The following GAS7 variants were observed in gnomAD, a reference collection of about 807,000 sequenced individuals.
GAS7 encodes the protein growth arrest-specific protein 7.
Under a neutral mutation model 71.1 loss-of-function variants are expected in GAS7, and 28 were observed. The ratio of observed to expected loss-of-function variants is 0.39; its 90% CI spans 0.29 to 0.54. GAS7 has a LOEUF of 0.54. Among genes scored for constraint, GAS7 ranks in the 20% least tolerant of loss-of-function variants. The probability of loss-of-function intolerance (pLI) is 0.62; values close to 1 mark genes in which losing one functional copy is unlikely to be tolerated. For synonymous variants in GAS7, 258 were observed against 245.8 expected, an observed-to-expected ratio of 1.05 and a Z score of -0.46; for missense variants, 436 against 627.8, an observed-to-expected ratio of 0.69 and a Z score of 3.27.
Position 9,959,123 on chromosome 17 carries a change from C to A in GAS7, c.525+79G>T. Reference sequence around the variant, plus strand: ...TTGGGCATCACTTCTGCTTGGCGGTCCACATCGCCATGGCAACAGCCCAGC... The same window carrying A: ...TTGGGCATCACTTCTGCTTGGCGGTACACATCGCCATGGCAACAGCCCAGC... On this transcript the variant is annotated intron_variant, in intron 5 of 13. Transcript: ENST00000432992. The surrounding 1 kb of genome is among the most constrained non-coding windows in gnomAD (Gnocchi z 5.0). 6.7e-7 allele frequency: 1 copy of A among 1,498,874 alleles called. No homozygotes were observed. The highest frequency in any genetic ancestry group is 1.2e-5 in the South Asian group (1 of 81,026). The allele number at this position is 1,498,874 out of a possible 1,614,324, so 92.8% of individuals were successfully genotyped here. A position where few individuals can be genotyped will look rare whatever the true frequency, so the allele number is the denominator to read the frequency against.
chr17:9,923,913 A>G (rs1191474796), intron 11 of GAS7, among the ~76,000 whole-genome samples: 1 of 152,232 alleles, frequency 6.6e-6, no homozygotes, highest in Admixed American at 6.5e-5. Context: ...TTTGGGTACA[A>G]TCATACAACT....
chr17:10,025,876 T>C lies in GAS7; in HGVS notation c.184-5979A>G, dbSNP rs191934091. Among the ~76,000 whole-genome samples the C allele has an allele frequency of 5.9e-5, 9 of 152,290 alleles. No individual in the cohort carries two copies. In the South Asian group the frequency reaches 8.3e-4, roughly 14 times the overall value. Reference sequence around the variant, plus strand: ...ACTTCTGAAATGAAAACTGAGATCATAGAATTTTTATAAGCATGATTTGTA... The same window carrying C: ...ACTTCTGAAATGAAAACTGAGATCACAGAATTTTTATAAGCATGATTTGTA... On this transcript the variant is annotated intron_variant, in intron 1 of 13. Transcript: ENST00000432992.
chr17:10,161,434 TGTC>T (rs1212738232), intron 1 of GAS7, among the ~76,000 whole-genome samples: 2 of 152,148 alleles, frequency 1.3e-5, no homozygotes, highest in African/African-American at 4.8e-5. Context: ...AAAATGGAAG[TGTC>T]GTTACCAGAA....
chr17:10,178,547 G>A (rs1168752394), intron 1 of GAS7, among the ~76,000 whole-genome samples: 1 of 151,882 alleles, frequency 6.6e-6, no homozygotes, highest in African/African-American at 2.4e-5. Context: ...CACGGAGCCT[G>A]TCTCATACCT....
intron 2 of GAS7, among the ~76,000 whole-genome samples, chr17:9,995,879 T>C (rs2071022157): frequency 6.6e-6 from 1 of 152,174 alleles, no homozygotes; most frequent in Admixed American, 6.5e-5. Context: ...CAATGATGTA[T>C]CGACAGGGTG....
intron 11 of GAS7, among the ~76,000 whole-genome samples, chr17:9,921,716 T>C (rs1273441704): frequency 3.3e-5 from 5 of 151,956 alleles, no homozygotes; most frequent in African/African-American, 7.2e-5. Context: ...TCCCAGCACT[T>C]TGGGAGGCCG....
chr17:9,950,653 G>A (rs1026177743), intron 5 of GAS7, among the ~76,000 whole-genome samples: 1 of 151,722 alleles, frequency 6.6e-6, no homozygotes, highest in African/African-American at 2.4e-5. Context: ...GTCAGAAGTT[G>A]GAGACCAGCC....
At chr17:10,084,898 G>C (rs1455300432) in intron 1 of GAS7, among the ~76,000 whole-genome samples, 2 of 152,184 alleles carry the variant, frequency 1.3e-5, no homozygotes, top group Non-Finnish European at 2.9e-5. Flanking sequence ...GTCCCCGGTG[G>C]CTCCTTCACA....
At position 9,959,692 on chromosome 17, in the gene GAS7, C is replaced by T. The variant is rs1007798053; in HGVS notation, c.472-437G>A. 6.6e-5 allele frequency among the ~76,000 whole-genome samples: 10 copies of T among 152,148 alleles called. No homozygotes were observed. Among genetic ancestry groups the T allele is most frequent in the African/African-American group, 1.9e-4 (8 of 41,422 alleles). ...CACGACATTTTATTCTGAAACCCCC[C>T]GGGTCCAAAACGTCAAACCTAAATA... On this transcript the variant is annotated intron_variant, in intron 4 of 13. Coordinates refer to ENST00000432992, the MANE Select transcript of GAS7 (RefSeq NM_201433.2). This position sits in a 1 kb window ranked among gnomAD's most constrained non-coding sequence, Gnocchi z 5.0.
At chr17:10,005,205 G>A (rs1376325534) in intron 2 of GAS7, among the ~76,000 whole-genome samples, 1 of 141,632 alleles carries the variant, frequency 7.1e-6, no homozygotes, top group South Asian at 2.2e-4. Context: ...ATGCATGTGT[G>A]TGCATGTGCG....
intron 1 of GAS7, among the ~76,000 whole-genome samples, chr17:10,088,660 A>C (rs1038863889): frequency 6.6e-6 from 1 of 152,156 alleles, no homozygotes; most frequent in African/African-American, 2.4e-5. Flanking sequence ...AAATCATCCC[A>C]ATTATACAGG....
intron 1 of GAS7, among the ~76,000 whole-genome samples, chr17:10,175,591 TTTTATTTAG>T: frequency 9.0e-6 from 1 of 111,118 alleles, no homozygotes; most frequent in Non-Finnish European, 1.9e-5. Context: ...AATGACCGCA[TTTTATTTAG>T]TTAGTTAGTT....
In GAS7 at chr17:9,981,494, G is replaced by C. The variant is rs1785927238; in HGVS notation, c.385+310C>G. Among the ~76,000 whole-genome samples the C allele has an allele frequency of 6.6e-6, 1 of 152,136 alleles. No homozygotes were observed. The highest frequency in any genetic ancestry group is 1.5e-5 in the Non-Finnish European group (1 of 68,026). On this transcript the variant is annotated intron_variant, in intron 3 of 13. Coordinates refer to ENST00000432992, the MANE Select transcript of GAS7 (RefSeq NM_201433.2). This position sits in a 1 kb window ranked among gnomAD's most constrained non-coding sequence, Gnocchi z 4.4. ...CACAAGAGCCACATAGGGTGGTTCT[G>C]TCCACACTTCAGGTCTTCCTGCCCC...
At chr17:9,917,411 A>G (rs1256654902) in intron 13 of GAS7, 70 bp from the exon 14 acceptor site, 2 of 1,119,014 alleles carry the variant, frequency 1.8e-6, no homozygotes, top group Non-Finnish European at 1.4e-6. Flanking sequence ...CCTCTGAGAC[A>G]TGCTGTCCTC....
intron 1 of GAS7, among the ~76,000 whole-genome samples, chr17:10,080,172 A>G (rs1463612352): frequency 6.6e-6 from 1 of 152,216 alleles, no homozygotes; most frequent in Non-Finnish European, 1.5e-5. Flanking sequence ...CAAGATGGCA[A>G]CAAAACTGAC....
intron 1 of GAS7, among the ~76,000 whole-genome samples, chr17:10,165,468 C>T (rs2074287485): frequency 6.6e-6 from 1 of 152,120 alleles, no homozygotes; most frequent in African/African-American, 2.4e-5. Flanking sequence ...GCTTGGTGCC[C>T]TCATCGATCT....
At chr17:10,139,991 C>T (rs1163042824) in intron 1 of GAS7, among the ~76,000 whole-genome samples, 1 of 152,158 alleles carries the variant, frequency 6.6e-6, no homozygotes, top group Admixed American at 6.6e-5. Flanking sequence ...TTATTCCATC[C>T]TTGTGGGGTT....
intron 1 of GAS7, among the ~76,000 whole-genome samples, chr17:10,050,893 C>A (rs1008764431): frequency 6.6e-6 from 1 of 152,206 alleles, no homozygotes; most frequent in Non-Finnish European, 1.5e-5. Flanking sequence ...TTCCATTCTG[C>A]TACAGAGATT....
chr17:10,197,496 A>C (rs2074549261), intron 1 of GAS7, among the ~76,000 whole-genome samples: 1 of 152,200 alleles, frequency 6.6e-6, no homozygotes, highest in Admixed American at 6.5e-5. Flanking sequence ...TCACATAGAC[A>C]ATAAACAGCC....
Sources: allele counts gnomAD v4.1 joint callset (sites outside exome capture counted in the v4.1 genomes callset), GRCh38; gene constraint gnomAD v4.1.1; non-coding constraint Gnocchi (gnomAD v3.1); transcripts MANE v1.5; gene names NCBI Gene and HGNC (gene_info 2026-07-23, HGNC 2026-07-21).